The following SGCD variants were observed in gnomAD, a reference collection of about 807,000 sequenced individuals.
SGCD encodes delta-sarcoglycan.
Under a neutral mutation model 36.6 loss-of-function variants are expected in SGCD, and 18 were observed. The ratio of observed to expected loss-of-function variants is 0.49; its 90% CI spans 0.34 to 0.73. The LOEUF is 0.73. Among genes scored for constraint, SGCD ranks in the 30% least tolerant of loss-of-function variants. The pLI is 0.01. For synonymous variants in SGCD, 133 were observed against 130.6 expected (o/e 1.02, Z -0.12); for missense variants, 387 against 346.7 (o/e 1.12, Z -0.92).
the SGCD span, among the ~76,000 whole-genome samples, chr5:155,801,528 C>T: frequency 6.6e-6 from 1 of 152,176 alleles, no homozygotes; most frequent in Non-Finnish European, 1.5e-5. Context: ...ATTCTCTCCT[C>T]TGGGACTTCA....
chr5:156,047,678 C>T lies in SGCD; in HGVS notation c.-281-70200C>T, dbSNP rs545094777. 1.3e-4 allele frequency among the ~76,000 whole-genome samples: 20 copies of T among 152,048 alleles called. 1 individual carries two copies. Among genetic ancestry groups the T allele is most frequent in the African/African-American group, 3.1e-4 (13 of 41,462 alleles). On this transcript the variant is annotated intron_variant, in intron 1 of 9. Transcript: ENST00000517913. The stretch of plus-strand genomic sequence containing the variant: ...AAAAGTTCTTTTCAAAATATTCCTG[C>T]GCATTGACAATGCACCTGGCCATAC...
chr5:156,180,903 T>C (rs974275016), intron 3 of SGCD, among the ~76,000 whole-genome samples: 7 of 152,180 alleles, frequency 4.6e-5, no homozygotes, highest in African/African-American at 1.7e-4. Context: ...CAGAATAAAT[T>C]AAAAATTTGT....
At chr5:156,689,779 G>A (rs371695260) in intron 7 of SGCD, among the ~76,000 whole-genome samples, 1 of 152,246 alleles carries the variant, frequency 6.6e-6, no homozygotes, top group Non-Finnish European at 1.5e-5. Flanking sequence ...GATTATTCAA[G>A]ATTAAAGATA....
At chr5:156,394,859 T>C (rs553058242) in intron 3 of SGCD, among the ~76,000 whole-genome samples, 39 of 152,214 alleles carry the variant, frequency 2.6e-4, no homozygotes, top group African/African-American at 8.0e-4. Flanking sequence ...GGGTAAGTTA[T>C]TGGAAGAAGA....
chr5:156,478,090 T>C (rs149527476), intron 3 of SGCD, among the ~76,000 whole-genome samples: 1 of 152,106 alleles, frequency 6.6e-6, no homozygotes, highest in Non-Finnish European at 1.5e-5. Flanking sequence ...GGGTGTTGTA[T>C]AGCATTTCTC....
chr5:155,738,794 A>G, the SGCD span, among the ~76,000 whole-genome samples: 1 of 147,980 alleles, frequency 6.8e-6, no homozygotes, highest in Non-Finnish European at 1.5e-5. Context: ...GTGAGTGTGC[A>G]TGTAGTGTGT....
intron 7 of SGCD, among the ~76,000 whole-genome samples, chr5:156,679,700 C>A (rs1355903005): frequency 6.6e-6 from 1 of 152,162 alleles, no homozygotes; most frequent in African/African-American, 2.4e-5. Flanking sequence ...AACAAATATT[C>A]TGTTCCAAAA....
At chr5:156,505,262 C>A (rs1434019706) in intron 3 of SGCD, among the ~76,000 whole-genome samples, 1 of 152,172 alleles carries the variant, frequency 6.6e-6, no homozygotes. Context: ...TTTGATTGCC[C>A]AGTTGGGTTC....
At chr5:156,330,638 C>T (rs1230041757) in intron 2 of SGCD, among the ~76,000 whole-genome samples, 1 of 152,174 alleles carries the variant, frequency 6.6e-6, no homozygotes, top group Non-Finnish European at 1.5e-5. Context: ...GAGCCTTCTC[C>T]TGACAAAAAC....
At chr5:156,633,095 T>C (rs2113537957) in intron 6 of SGCD, among the ~76,000 whole-genome samples, 1 of 152,338 alleles carries the variant, frequency 6.6e-6, no homozygotes, top group South Asian at 2.1e-4. Flanking sequence ...TCACATTTTC[T>C]CATGGAGATT....
intron 6 of SGCD, among the ~76,000 whole-genome samples, chr5:156,628,711 G>C (rs1243040945): frequency 6.6e-6 from 1 of 152,166 alleles, no homozygotes; most frequent in Admixed American, 6.5e-5. Context: ...GAAATAACTA[G>C]TTTTACAGTT....
At chr5:156,259,835 C>T (rs992754203) in intron 3 of SGCD, among the ~76,000 whole-genome samples, 1 of 152,136 alleles carries the variant, frequency 6.6e-6, no homozygotes, top group Admixed American at 6.6e-5. Flanking sequence ...GACAGGCACA[C>T]TCTTGCCCTC....
intron 1 of SGCD, among the ~76,000 whole-genome samples, chr5:156,032,546 G>GT (rs1363339109): frequency 1.3e-5 from 2 of 151,062 alleles, no homozygotes; most frequent in African/African-American, 4.9e-5. Context: ...GTGAAAACCC[G>GT]TCTCTACTAA....
Position 155,878,104 on chromosome 5 carries a change from G to A in SGCD, c.-282+7680G>A, listed in dbSNP as rs1755802570. Among the ~76,000 whole-genome samples the A allele has an allele frequency of 2.0e-5, 3 of 152,006 alleles. No homozygotes were observed. The South Asian group carries it at 6.2e-4, about 31-fold the overall frequency. ...CAGTAGTGGGCTTATGGCAGAACTG[G>A]AATTTTAAATTTGAGGGTGGAAGTA... On this transcript the variant is annotated intron_variant, in intron 1 of 9. Coordinates refer to the SGCD transcript ENST00000517913.
At chr5:156,035,298 TA>T (rs1242024846) in intron 1 of SGCD, among the ~76,000 whole-genome samples, 7 of 152,272 alleles carry the variant, frequency 4.6e-5, no homozygotes, top group Middle Eastern at 6.8e-3. Context: ...GTTAAAACAG[TA>T]ATTTTGTCTG....
At chr5:156,470,500 C>CA (rs1412490224) in intron 3 of SGCD, among the ~76,000 whole-genome samples, 1 of 151,994 alleles carries the variant, frequency 6.6e-6, no homozygotes, top group Non-Finnish European at 1.5e-5. Context: ...CCCCTACCCC[C>CA]ACCCCACCAC....
intron 1 of SGCD, among the ~76,000 whole-genome samples, chr5:155,954,966 C>A (rs1245658176): frequency 6.6e-6 from 1 of 152,056 alleles, no homozygotes; most frequent in East Asian, 1.9e-4. Context: ...CCAAGCAGAG[C>A]CAGTGTTTTA....
At chr5:156,119,375 A>G (rs1761979626) in intron 2 of SGCD, among the ~76,000 whole-genome samples, 1 of 152,088 alleles carries the variant, frequency 6.6e-6, no homozygotes, top group East Asian at 1.9e-4. Flanking sequence ...TAGTTATGTG[A>G]TTTCAATCAG....
At chr5:156,396,239 C>T (rs115075127) in intron 3 of SGCD, among the ~76,000 whole-genome samples, 2,086 of 152,234 alleles carry the variant, frequency 0.014, 22 homozygotes, top group Non-Finnish European at 0.023. Flanking sequence ...GTCATGTCTG[C>T]GATTTCTCAG....
Sources: gnomAD v4.1 joint callset for allele counts (sites outside exome capture counted in the v4.1 genomes callset) on GRCh38, gnomAD v4.1.1 for gene constraint, MANE v1.5 for transcripts, NCBI Gene and HGNC (gene_info 2026-07-23, HGNC 2026-07-21) for gene names.